Variants in DKK2 observed in about 807,000 individuals in gnomAD.
DKK2 encodes dickkopf-related protein 2.
A neutral mutation model predicts 28.1 loss-of-function variants in DKK2; 11 were observed. The ratio of observed to expected loss-of-function variants is 0.39; its 90% CI spans 0.25 to 0.65. The LOEUF (loss-of-function observed/expected upper bound fraction) is 0.65. Ranked by LOEUF, DKK2 falls within the 30% of genes least tolerant of loss-of-function variation. DKK2 has a pLI of 0.47. For synonymous variants in DKK2, 135 were observed against 126.5 expected (o/e 1.07, Z -0.45); for missense variants, 326 against 335.5 (o/e 0.97, Z 0.22).
At chr4:106,991,203 T>C (rs1723198378) in intron 1 of DKK2, among the ~76,000 whole-genome samples, 1 of 152,222 alleles carries the variant, frequency 6.6e-6, no homozygotes, top group Admixed American at 6.5e-5. Flanking sequence ...ATAGATAAAA[T>C]GTTGCTCCAG....
chr4:106,949,418 A>C (rs1005146676), intron 1 of DKK2, among the ~76,000 whole-genome samples: 8 of 152,104 alleles, frequency 5.3e-5, no homozygotes, highest in African/African-American at 1.9e-4. Context: ...GGCTATTTTG[A>C]TTCTGTTTTA....
Position 106,954,891 on chromosome 4 carries a change from C to T in DKK2, c.223-28942G>A, listed in dbSNP as rs576386506. ...GTTCATGCTGTACAGAAAATACCAT[C>T]AATGTTAAACAGAACGCTTTATCTG... On this transcript the variant is annotated intron_variant, in intron 1 of 3. Transcript: ENST00000285311. Among the ~76,000 whole-genome samples, 3 of 152,224 alleles carry T rather than the reference C, an allele frequency of 2.0e-5. No individual in the cohort carries two copies. In the East Asian group the frequency reaches 5.8e-4, roughly 29 times the overall value.
chr4:107,032,627 G>C (rs1240587814), intron 1 of DKK2, among the ~76,000 whole-genome samples: 1 of 152,100 alleles, frequency 6.6e-6, no homozygotes. Context: ...CAAGGACTGA[G>C]TTTCCAATCT....
At chr4:107,034,817 C>A (rs891929549) in intron 1 of DKK2, among the ~76,000 whole-genome samples, 30 of 152,106 alleles carry the variant, frequency 2.0e-4, no homozygotes, top group Admixed American at 7.2e-4. Context: ...TGGTTAAACG[C>A]CCAGTATCTC....
At chr4:106,939,884 GC>G in intron 1 of DKK2, among the ~76,000 whole-genome samples, 1 of 152,192 alleles carries the variant, frequency 6.6e-6, no homozygotes, top group Non-Finnish European at 1.5e-5. Context: ...AATAAATGGT[GC>G]TGGGAAAACT....
At chr4:106,971,425 A>G (rs1383938476) in intron 1 of DKK2, among the ~76,000 whole-genome samples, 1 of 152,120 alleles carries the variant, frequency 6.6e-6, no homozygotes, top group Non-Finnish European at 1.5e-5. Context: ...AAATAACTGT[A>G]AGATTAATGA....
At chr4:106,929,922 T>C (rs1724476668) in intron 1 of DKK2, among the ~76,000 whole-genome samples, 1 of 152,174 alleles carries the variant, frequency 6.6e-6, no homozygotes, top group Non-Finnish European at 1.5e-5. Flanking sequence ...CAGATATCAT[T>C]ACTAAGAGCA....
chr4:106,945,794 C>T (rs534463610), intron 1 of DKK2, among the ~76,000 whole-genome samples: 3 of 152,106 alleles, frequency 2.0e-5, no homozygotes, highest in East Asian at 1.9e-4. Flanking sequence ...CAAGATTTGC[C>T]GAAAATAACA....
At chr4:106,940,853 G>T (rs145557812) in intron 1 of DKK2, among the ~76,000 whole-genome samples, 4 of 151,984 alleles carry the variant, frequency 2.6e-5, no homozygotes, top group South Asian at 2.1e-4. Context: ...GTAAACTATC[G>T]CAAGAACAAA....
At chr4:106,970,844 G>T (rs1200914153) in intron 1 of DKK2, among the ~76,000 whole-genome samples, 1 of 152,072 alleles carries the variant, frequency 6.6e-6, no homozygotes, top group Non-Finnish European at 1.5e-5. Flanking sequence ...ATTCACATTT[G>T]AAAGTGTTTC....
chr4:107,014,063 T>A (rs573656122), intron 1 of DKK2, among the ~76,000 whole-genome samples: 1 of 151,688 alleles, frequency 6.6e-6, no homozygotes, highest in East Asian at 1.9e-4. Flanking sequence ...GCAGCCATTA[T>A]AACAAACAGT....
At chr4:106,955,781 A>T (rs924121298) in intron 1 of DKK2, among the ~76,000 whole-genome samples, 1 of 150,972 alleles carries the variant, frequency 6.6e-6, no homozygotes, top group Non-Finnish European at 1.5e-5. Context: ...GAATACTGAT[A>T]AAAAAAAGAA....
intron 1 of DKK2, among the ~76,000 whole-genome samples, chr4:106,966,322 T>G (rs1560582007): frequency 6.6e-6 from 1 of 151,198 alleles, no homozygotes; most frequent in East Asian, 1.9e-4. Context: ...GAATAATAAA[T>G]GTTTTTTTGC....
intron 1 of DKK2, among the ~76,000 whole-genome samples, chr4:106,984,999 G>GGA (rs933702832): frequency 1.3e-5 from 2 of 152,062 alleles, no homozygotes; most frequent in Non-Finnish European, 2.9e-5. Flanking sequence ...CACGAGGTCA[G>GGA]GAGAGAGAGA....
chr4:106,986,816 C>T (rs1723127534), intron 1 of DKK2, among the ~76,000 whole-genome samples: 1 of 152,198 alleles, frequency 6.6e-6, no homozygotes, highest in Admixed American at 6.5e-5. Context: ...TTACTATTCT[C>T]TCTGTAGGGG....
chr4:106,928,221 AATT>A (rs1307496439), intron 1 of DKK2, among the ~76,000 whole-genome samples: 2 of 152,152 alleles, frequency 1.3e-5, no homozygotes, highest in Non-Finnish European at 2.9e-5. Flanking sequence ...ATTACAATAA[AATT>A]ATAATAATTT....
chr4:106,930,907 G>A (rs760665205), intron 1 of DKK2, among the ~76,000 whole-genome samples: 2 of 152,112 alleles, frequency 1.3e-5, no homozygotes, highest in Non-Finnish European at 2.9e-5. Flanking sequence ...AAACCTGATC[G>A]GACTGGCTTG....
At chr4:106,973,828 G>T (rs1406049304) in intron 1 of DKK2, among the ~76,000 whole-genome samples, 1 of 152,122 alleles carries the variant, frequency 6.6e-6, no homozygotes, top group African/African-American at 2.4e-5. Flanking sequence ...GTCCTGAATG[G>T]TATTGCCTAG....
intron 1 of DKK2, among the ~76,000 whole-genome samples, chr4:106,988,948 G>A (rs2110361031): frequency 6.6e-6 from 1 of 152,308 alleles, no homozygotes; most frequent in South Asian, 2.1e-4. Context: ...CAAAGTCAGG[G>A]TGGGATAGAC....
Sources: gnomAD v4.1 joint callset for allele counts (sites outside exome capture counted in the v4.1 genomes callset) on GRCh38, gnomAD v4.1.1 for gene constraint, MANE v1.5 for transcripts, NCBI Gene and HGNC (gene_info 2026-07-23, HGNC 2026-07-21) for gene names.